The following PPARGC1A variants were observed in gnomAD, a reference collection of about 807,000 sequenced individuals.
PPARGC1A encodes the protein peroxisome proliferator-activated receptor gamma coactivator 1-alpha.
PPARGC1A carries 25 observed loss-of-function variants against 88.7 expected under a neutral mutation model. That is an observed-to-expected ratio of 0.28 (90% confidence interval 0.21 to 0.39). PPARGC1A has a LOEUF of 0.39. Among genes scored for constraint, PPARGC1A ranks in the 10% least tolerant of loss-of-function variants. The probability of loss-of-function intolerance (pLI) is 1.00; values close to 1 mark genes in which losing one functional copy is unlikely to be tolerated. For missense variants in PPARGC1A, 880 were observed against 968.7 expected, an observed-to-expected ratio of 0.91 and a Z score of 1.22; for synonymous variants, 363 against 355.6, an observed-to-expected ratio of 1.02 and a Z score of -0.24.
chr4:24,110,804 G>A, the PPARGC1A span, among the ~76,000 whole-genome samples: 7 of 152,164 alleles, frequency 4.6e-5, no homozygotes, highest in Admixed American at 1.3e-4. Flanking sequence ...TGAGATATAC[G>A]TTGTATCTAT....
chr4:24,424,218 GA>G, the PPARGC1A span, among the ~76,000 whole-genome samples: 50 of 107,792 alleles, frequency 4.6e-4, 1 homozygote, highest in Middle Eastern at 6.3e-3. Flanking sequence ...TTAGGAAAAG[GA>G]AAAAAAAAAT....
chr4:24,346,024 T>A, the PPARGC1A span, among the ~76,000 whole-genome samples: 1 of 152,264 alleles, frequency 6.6e-6, no homozygotes, highest in Non-Finnish European at 1.5e-5. Flanking sequence ...TTTTTCTGCA[T>A]CTACTGAGAT....
chr4:24,182,078 C>G, the PPARGC1A span, among the ~76,000 whole-genome samples: 2 of 152,004 alleles, frequency 1.3e-5, no homozygotes, highest in Admixed American at 1.3e-4. Context: ...GTTTGCTGCA[C>G]CTATCATCCC....
At chr4:24,190,450 G>T in the PPARGC1A span, among the ~76,000 whole-genome samples, 1 of 152,126 alleles carries the variant, frequency 6.6e-6, no homozygotes, top group African/African-American at 2.4e-5. Flanking sequence ...AGGAGGCGTA[G>T]CTTGCAGTGA....
intron 4 of PPARGC1A, 76 bp downstream of exon 4, chr4:23,829,382 CCTACA>C: frequency 6.8e-7 from 1 of 1,476,220 alleles, no homozygotes; most frequent in Non-Finnish European, 9.4e-7. Flanking sequence ...TGAATTAATA[CCTACA>C]AACTTATTTG....
chr4:24,153,056 T>C, the PPARGC1A span, among the ~76,000 whole-genome samples: 1 of 152,164 alleles, frequency 6.6e-6, no homozygotes, highest in African/African-American at 2.4e-5. Flanking sequence ...GCAACAGTAA[T>C]AATAGCACTG....
the PPARGC1A span, among the ~76,000 whole-genome samples, chr4:24,111,619 C>T: frequency 6.6e-6 from 1 of 152,068 alleles, no homozygotes. Flanking sequence ...CTACATAAAT[C>T]CATTATTACT....
chr4:23,937,485 T>C, the PPARGC1A span, among the ~76,000 whole-genome samples: 2 of 151,558 alleles, frequency 1.3e-5, no homozygotes, highest in South Asian at 4.2e-4. Context: ...TCCTTTTTCT[T>C]TTCACTAGAA....
chr4:24,123,008 G>A, the PPARGC1A span, among the ~76,000 whole-genome samples: 1 of 152,010 alleles, frequency 6.6e-6, no homozygotes, highest in East Asian at 2.0e-4. Flanking sequence ...CTAAAGTTCT[G>A]TTGAGTGTGT....
At chr4:24,081,082 C>T in the PPARGC1A span, among the ~76,000 whole-genome samples, 1 of 152,038 alleles carries the variant, frequency 6.6e-6, no homozygotes, top group Non-Finnish European at 1.5e-5. Context: ...AATGCTTCCT[C>T]ATAGTTCTTC....
intron 7 of PPARGC1A, among the ~76,000 whole-genome samples, chr4:23,819,610 C>T (rs567412029): frequency 9.2e-5 from 14 of 152,092 alleles, no homozygotes; most frequent in African/African-American, 3.4e-4. Flanking sequence ...CTATCCTTGG[C>T]TTACAAGAAA....
chr4:24,463,547 T>C, the PPARGC1A span, among the ~76,000 whole-genome samples: 1 of 152,198 alleles, frequency 6.6e-6, no homozygotes, highest in Non-Finnish European at 1.5e-5. Context: ...GAACAAAGAA[T>C]GATAAATAAA....
upstream of PPARGC1A, among the ~76,000 whole-genome samples, chr4:23,904,599 C>T (rs1235261939): frequency 6.6e-6 from 1 of 152,182 alleles, no homozygotes; most frequent in Non-Finnish European, 1.5e-5. Context: ...CAAGTGGCTG[C>T]TCAAAACTTT....
At chr4:23,852,481 C>T (rs1729474423) in intron 2 of PPARGC1A, among the ~76,000 whole-genome samples, 1 of 152,086 alleles carries the variant, frequency 6.6e-6, no homozygotes, top group South Asian at 2.1e-4. Context: ...TACTTGCTCC[C>T]CATCAAGGCC....
At chr4:24,028,341 T>A in the PPARGC1A span, among the ~76,000 whole-genome samples, 3 of 152,202 alleles carry the variant, frequency 2.0e-5, no homozygotes, top group Admixed American at 2.0e-4. Context: ...ATTAACTGCA[T>A]CGAATCAAAT....
the PPARGC1A span, among the ~76,000 whole-genome samples, chr4:24,301,737 G>T: frequency 6.6e-6 from 1 of 151,668 alleles, no homozygotes; most frequent in African/African-American, 2.4e-5. Flanking sequence ...ACATTTATGG[G>T]GTAGAATGTC....
the PPARGC1A span, among the ~76,000 whole-genome samples, chr4:24,413,689 T>C: frequency 0.76 from 115,956 of 152,198 alleles, 44,349 homozygotes; most frequent in East Asian, 0.8. Flanking sequence ...TTCTTTCCGC[T>C]GCTGGCTTCG....
intron 2 of PPARGC1A, among the ~76,000 whole-genome samples, chr4:23,864,645 A>G (rs565489299): frequency 3.5e-4 from 53 of 152,350 alleles, no homozygotes; most frequent in Non-Finnish European, 4.6e-4. Context: ...AAGGACAGAT[A>G]GAGACAATGA....
chr4:24,339,235 T>TACACACACACACACACACAC, the PPARGC1A span, among the ~76,000 whole-genome samples: 2 of 110,160 alleles, frequency 1.8e-5, no homozygotes, highest in African/African-American at 7.4e-5. Flanking sequence ...TATATATATA[T>TACACACACACACACACACAC]ATACACACAC....
Sources: gnomAD v4.1 joint callset for allele counts (sites outside exome capture counted in the v4.1 genomes callset) on GRCh38, gnomAD v4.1.1 for gene constraint, MANE v1.5 for transcripts, NCBI Gene and HGNC (gene_info 2026-07-23, HGNC 2026-07-21) for gene names.